The following ZC3H7B variants were observed in gnomAD, a reference collection of about 807,000 sequenced individuals.
ZC3H7B encodes zinc finger CCCH domain-containing protein 7B.
ZC3H7B carries 35 observed loss-of-function variants against 116.0 expected under a neutral mutation model. The observed-to-expected ratio is 0.30, with a 90% confidence interval of 0.23 to 0.40. ZC3H7B has a LOEUF of 0.40. Among genes scored for constraint, ZC3H7B ranks in the 10% least tolerant of loss-of-function variants. The pLI is 1.00. For missense variants in ZC3H7B, 1,011 were observed against 1,321.5 expected (o/e 0.77, Z 3.64); for synonymous variants, 502 against 545.6 (o/e 0.92, Z 1.11).
chr22:41,307,020 C>A (rs1455408161), intron 1 of ZC3H7B, among the ~76,000 whole-genome samples: 3 of 147,724 alleles, frequency 2.0e-5, no homozygotes, highest in Non-Finnish European at 4.5e-5. Flanking sequence ...GTCACCCAGG[C>A]TGGAGTGCAG....
At chr22:41,332,612 G>T in intron 7 of ZC3H7B, 1 of 204,404 alleles carries the variant, frequency 4.9e-6, no homozygotes, top group South Asian at 9.7e-5. Flanking sequence ...GCCTTTCTCT[G>T]TCTTTTCGCT....
intron 1 of ZC3H7B, among the ~76,000 whole-genome samples, chr22:41,303,001 A>T (rs1393385506): frequency 6.6e-6 from 1 of 152,184 alleles, no homozygotes. Flanking sequence ...AGATCCTTGA[A>T]TTTTCACACA....
chr22:41,320,345 A>G lies in ZC3H7B; in HGVS notation c.-6-310A>G, dbSNP rs545419375. On this transcript the variant is annotated intron_variant, in intron 1 of 22. Coordinates refer to ENST00000352645, the MANE Select transcript of ZC3H7B (RefSeq NM_017590.6). ...GACTCTGTATCCAAAAAAAAAAAAA[A>G]AAAGAGTTTTCCCTTGAACTTGAGG... Among the ~76,000 whole-genome samples, 3 of 152,138 alleles carry G rather than the reference A, an allele frequency of 2.0e-5. No individual in the cohort carries two copies. In the South Asian group the frequency reaches 6.2e-4, roughly 32 times the overall value.
intron 15 of ZC3H7B, among the ~76,000 whole-genome samples, chr22:41,348,701 G>A (rs779715727): frequency 8.5e-5 from 13 of 152,282 alleles, no homozygotes; most frequent in East Asian, 1.9e-4. Context: ...CCTGTCTTAC[G>A]TCCAAGCCTG....
Position 41,325,771 on chromosome 22 carries a change from G to C in ZC3H7B, c.138G>C (p.Leu46=). 6.2e-7 allele frequency: 1 copy of C among 1,614,000 alleles called. No individual in the cohort carries two copies. Among genetic ancestry groups the C allele is most frequent in the South Asian group, 1.1e-5 (1 of 91,004 alleles). The change falls in exon 4 of 23, where the codon CTG becomes CTC. Residue 46 remains leucine (L), a synonymous_variant. Coordinates refer to ENST00000352645, the MANE Select transcript of ZC3H7B (RefSeq NM_017590.6). The part of the protein sequence containing the change: ...VQNLFAEGND[L]FREKDYKQAL... ...ATCTGTTTGCTGAGGGCAATGATCT[G>C]TTCCGGGAGAAGGACTATAAGCAGG...
In ZC3H7B at chr22:41,356,364, A is replaced by G. The variant is rs1462068226; in HGVS notation, c.2405A>G (p.Tyr802Cys). Residue 802 changes from tyrosine to cysteine, a missense_variant, in exon 21 of 23, where the codon TAT (tyrosine) becomes TGT (cysteine). Transcript: ENST00000352645. ...ENKILDMQQT[Y>C]DMWLKKHNPG... ...CCAGTCCTGGACATGCAGCAGACCT[A>G]TGACATGTGGCTGAAAAAACACAAC... 1.2e-6 allele frequency: 2 copies of G among 1,614,000 alleles called. No individual in the cohort carries two copies. The highest frequency in any genetic ancestry group is 1.3e-5 in the African/African-American group (1 of 74,932).
At chr22:41,348,354 CTAT>C (rs1383338394) in intron 15 of ZC3H7B, among the ~76,000 whole-genome samples, 187 bp downstream of exon 15, 1 of 152,224 alleles carries the variant, frequency 6.6e-6, no homozygotes, top group Non-Finnish European at 1.5e-5. Context: ...CGAACATCTA[CTAT>C]ATTCCAAGCG....
chr22:41,342,447 C>T, intron 11 of ZC3H7B, 82 bp from the exon 12 acceptor site: 2 of 1,363,674 alleles, frequency 1.5e-6, no homozygotes, highest in South Asian at 2.4e-5. Flanking sequence ...ATAGAGCACT[C>T]CCCACTTCTG....
chr22:41,348,036 C>A, intron 14 of ZC3H7B, 31 bp from the exon 15 acceptor site: 1 of 1,603,586 alleles, frequency 6.2e-7, no homozygotes, highest in Non-Finnish European at 8.5e-7. Context: ...GGTGGCCATG[C>A]CAGGTCCCAG....
At chr22:41,343,926 G>C (rs1242577384) in intron 13 of ZC3H7B, among the ~76,000 whole-genome samples, 1 of 152,202 alleles carries the variant, frequency 6.6e-6, no homozygotes, top group African/African-American at 2.4e-5. Flanking sequence ...GCGGGGCAGT[G>C]TGCCCAGCAG....
chr22:41,348,061 G>A lies in ZC3H7B; in HGVS notation c.1666-6G>A. On this transcript the variant is annotated splice_polypyrimidine_tract_variant and splice_region_variant and intron_variant, in intron 14 of 22. Coordinates refer to ENST00000352645, the MANE Select transcript of ZC3H7B (RefSeq NM_017590.6). ...CCAGGTCCCAGCCCTTCCCCTCCCTGGGCAGATCTGCTTTGACAGTAAACC... is the reference window on the plus strand; with the variant it reads ...CCAGGTCCCAGCCCTTCCCCTCCCTAGGCAGATCTGCTTTGACAGTAAACC... 1 of 1,613,572 alleles carries A rather than the reference G, an allele frequency of 6.2e-7. No homozygotes were observed. The highest frequency in any genetic ancestry group is 8.5e-7 in the Non-Finnish European group (1 of 1,179,662).
In ZC3H7B at chr22:41,355,745, TC is replaced by T; in HGVS notation, c.2169-11del. ...TGCCCTGACCTCTCCCCAACCCTGC[TC>T]TGTCCTGCAGCTGGACCAAGGAGCG... On this transcript the variant is annotated splice_polypyrimidine_tract_variant and intron_variant, in intron 18 of 22. Coordinates refer to ENST00000352645, the MANE Select transcript of ZC3H7B (RefSeq NM_017590.6). 1.2e-6 allele frequency: 2 copies of T among 1,613,928 alleles called. No individual in the cohort carries two copies. Among genetic ancestry groups the T allele is most frequent in the Non-Finnish European group, 1.7e-6 (2 of 1,179,996 alleles).
chr22:41,315,964 A>G (rs2036177820), intron 1 of ZC3H7B, among the ~76,000 whole-genome samples: 1 of 152,050 alleles, frequency 6.6e-6, no homozygotes, highest in African/African-American at 2.4e-5. Flanking sequence ...ATCACATACA[A>G]AATACATTCA....
chr22:41,305,651 ACT>A (rs1418415732), intron 1 of ZC3H7B, among the ~76,000 whole-genome samples: 1 of 152,056 alleles, frequency 6.6e-6, no homozygotes, highest in Non-Finnish European at 1.5e-5. Context: ...CAGTGAAAGC[ACT>A]CTCAGTAGGT....
chr22:41,346,743 G>A lies in ZC3H7B; in HGVS notation c.1665+535G>A, dbSNP rs1433850154. ...AGGCAGGAGAATCACTTGAACTGGG[G>A]AGGCAAAGGTTGCAGTGAGCCGAGA... On this transcript the variant is annotated intron_variant, in intron 14 of 22. Transcript: ENST00000352645. The surrounding 1 kb of genome is among the most constrained non-coding windows in gnomAD (Gnocchi z 5.3). Among the ~76,000 whole-genome samples the A allele has an allele frequency of 6.6e-6, 1 of 152,088 alleles. No homozygotes were observed. Among genetic ancestry groups the A allele is most frequent in the African/African-American group, 2.4e-5 (1 of 41,402 alleles).
At chr22:41,344,807 G>C (rs2032532689) in intron 13 of ZC3H7B, among the ~76,000 whole-genome samples, 2 of 152,084 alleles carry the variant, frequency 1.3e-5, no homozygotes, top group Non-Finnish European at 1.5e-5. Flanking sequence ...ATTTTGTTTT[G>C]GTTTGTTTTT....
At chr22:41,343,297 T>A (rs1381961325) in intron 12 of ZC3H7B, 118 bp from the exon 13 acceptor site, 2 of 1,345,808 alleles carry the variant, frequency 1.5e-6, no homozygotes, top group Admixed American at 4.4e-5. Flanking sequence ...CAGGAGGCCC[T>A]CAGAGGGGAG....
In ZC3H7B at chr22:41,355,860, G is replaced by A. The variant is rs1469654503; in HGVS notation, c.2272G>A (p.Asp758Asn). 11 of 1,613,624 alleles carry A rather than the reference G, an allele frequency of 6.8e-6. No individual in the cohort carries two copies. The highest frequency in any genetic ancestry group is 1.1e-5 in the South Asian group (1 of 91,068). Residue 758 changes from aspartate to asparagine, a missense_variant and splice_region_variant, in exon 19 of 23, where the codon GAT becomes AAT. By Grantham distance (23) the Asp-to-Asn change is conservative. Coordinates refer to ENST00000352645, the MANE Select transcript of ZC3H7B (RefSeq NM_017590.6). ...CATTCGTAACTTCCCACAGCAATAC[G>A]ATGTGAGCGCTGGGATGGGGGGCTG... ...PSIRNFPQQY[D>N]LCIHAQNGRK...
chr22:41,339,891 G>A lies in ZC3H7B; in HGVS notation c.892G>A (p.Gly298Arg), dbSNP rs778304596. 7 of 1,613,660 alleles carry A rather than the reference G, an allele frequency of 4.3e-6. No individual in the cohort carries two copies. Among genetic ancestry groups the A allele is most frequent in the African/African-American group, 2.7e-5 (2 of 74,878 alleles). ...CCAGCTGATACCCGTGTTCCCCGGC[G>A]GGACCCCACTGCTACCACCTGTGGT... ...LPQLIPVFPGGTPLLPPVVGG... is the reference protein window; with the variant it reads ...LPQLIPVFPGRTPLLPPVVGG... Residue 298 changes from glycine (G) to arginine (R), a missense_variant, in exon 10 of 23, where the codon GGG becomes AGG. By Grantham distance (125) the Gly-to-Arg change is moderately radical. Transcript: ENST00000352645.
Sources: allele counts gnomAD v4.1 joint callset (sites outside exome capture counted in the v4.1 genomes callset), GRCh38; gene constraint gnomAD v4.1.1; non-coding constraint Gnocchi (gnomAD v3.1); transcripts MANE v1.5; gene names NCBI Gene and HGNC (gene_info 2026-07-23, HGNC 2026-07-21).